CEP295: variants seen among roughly 807,000 people sequenced by gnomAD.
CEP295 encodes the protein centrosomal protein of 295 kDa.
A neutral mutation model predicts 291.6 loss-of-function variants in CEP295; 190 were observed. The observed-to-expected ratio is 0.65, with a 90% CI of 0.58 to 0.73. CEP295 has a LOEUF of 0.73. Among genes scored for constraint, CEP295 ranks in the 30% least tolerant of loss-of-function variants. The pLI is 0.00. For synonymous variants in CEP295, 993 were observed against 1,038.8 expected, an observed-to-expected ratio of 0.96 and a Z score of 0.85; for missense variants, 2,863 against 2,949.4, an observed-to-expected ratio of 0.97 and a Z score of 0.68.
intron 9 of CEP295, among the ~76,000 whole-genome samples, chr11:93,686,343 T>G (rs1951238896): frequency 6.6e-6 from 1 of 151,866 alleles, no homozygotes; most frequent in African/African-American, 2.4e-5. Flanking sequence ...ATATTTTTAC[T>G]CTTTCATGCA....
At chr11:93,667,253 C>T (rs974755444) in intron 2 of CEP295, among the ~76,000 whole-genome samples, 1 of 152,164 alleles carries the variant, frequency 6.6e-6, no homozygotes, top group African/African-American at 2.4e-5. Flanking sequence ...TGATGTACAA[C>T]AGAAATGGAG....
At chr11:93,679,023 A>G (rs1184641096) in intron 6 of CEP295, among the ~76,000 whole-genome samples, 1 of 152,004 alleles carries the variant, frequency 6.6e-6, no homozygotes, top group Non-Finnish European at 1.5e-5. Context: ...TGCCTGGCTA[A>G]TTTTTATATT....
rs1418756379 is a variant in CEP295, at chr11:93,698,466, A to T, written c.3554A>T (p.Glu1185Val). The change falls in exon 15 of 30, where the codon GAA (glutamate) becomes GTA (valine). Residue 1185 changes from glutamate to valine, a missense_variant. This residue lies in a region of CEP295 where 2,295 missense variants were observed against 2,335.7 expected (regional missense o/e 0.98). Transcript: ENST00000325212. ...VILGAKEGTQ[E>V]FVHTESELEK... is the part of the protein sequence containing the mutation. ...CTTGGTGCTAAAGAAGGAACTCAGG[A>T]ATTTGTACACACAGAAAGTGAATTG... 2 of 1,551,854 alleles carry T rather than the reference A, an allele frequency of 1.3e-6. No homozygotes were observed. The highest frequency in any genetic ancestry group is 2.7e-5 in the African/African-American group (2 of 73,048).
intron 5 of CEP295, among the ~76,000 whole-genome samples, chr11:93,673,441 G>T (rs1362415462): frequency 2.0e-5 from 3 of 152,072 alleles, no homozygotes; most frequent in Non-Finnish European, 2.9e-5. Flanking sequence ...TCTTCTGACT[G>T]GTCTAGGTAA....
At position 93,723,190 on chromosome 11, in the gene CEP295, G is replaced by A; in HGVS notation, c.6097G>A (p.Ala2033Thr). Residue 2033 changes from alanine (A) to threonine (T), a missense_variant, in exon 21 of 30, where the codon GCA becomes ACA. Physicochemically the swap from Ala to Thr is moderately conservative, Grantham distance 58. Transcript: ENST00000325212. ...SSDVHKSLLP[A>T]VDETTCGHTH... Reference sequence around the variant, plus strand: ...AGACGTTCATAAATCTCTGTTGCCTGCAGTGGATGAAACTACATGTGGTCA... The same window carrying A: ...AGACGTTCATAAATCTCTGTTGCCTACAGTGGATGAAACTACATGTGGTCA... The A allele has an allele frequency of 1.3e-6, 2 of 1,551,970 alleles. No individual in the cohort carries two copies. Among genetic ancestry groups the A allele is most frequent in the Non-Finnish European group, 1.7e-6 (2 of 1,147,016 alleles).
In CEP295 at chr11:93,697,422, C is replaced by T. The variant is rs1445533143; in HGVS notation, c.2510C>T (p.Ser837Leu). ...SQMHDRPLLP[S>L]ENITAQQGNM... is the part of the protein sequence containing the mutation. The stretch of plus-strand genomic sequence containing the variant: ...ATGCATGATAGGCCTTTGCTGCCGT[C>T]AGAGAATATCACAGCCCAGCAAGGT... Residue 837 changes from serine to leucine, a missense_variant, in exon 15 of 30, where the codon TCA becomes TTA. Around this residue, in one of 3 missense-constraint regions of CEP295, gnomAD observed 2,295 missense variants for 2,335.7 expected, o/e 0.98. Coordinates refer to ENST00000325212, the MANE Select transcript of CEP295 (RefSeq NM_033395.2). 14 of 1,552,078 alleles carry T rather than the reference C, an allele frequency of 9.0e-6. No homozygotes were observed. The highest frequency in any genetic ancestry group is 2.4e-5 in the East Asian group (1 of 40,930).
At position 93,699,495 on chromosome 11, in the gene CEP295, A is replaced by T. The variant is rs1952022314; in HGVS notation, c.4583A>T (p.Glu1528Val). 6.4e-7 allele frequency: 1 copy of T among 1,551,680 alleles called. No individual in the cohort carries two copies. Among genetic ancestry groups the T allele is most frequent in the Non-Finnish European group, 8.7e-7 (1 of 1,147,036 alleles). The change falls in exon 15 of 30, where the codon GAA becomes GTA. Residue 1528 changes from glutamate to valine, a missense_variant. Transcript: ENST00000325212. ...AIRSIQEVQEELLLQRLSELE... is the reference protein window; with the variant it reads ...AIRSIQEVQEVLLLQRLSELE... ...CGATCTATACAGGAAGTCCAAGAAG[A>T]ATTGCTTTTGCAAAGATTAAGTGAA...
At position 93,698,868 on chromosome 11, in the gene CEP295, G is replaced by C; in HGVS notation, c.3956G>C (p.Ser1319Thr). The change falls in exon 15 of 30, where the codon AGT becomes ACT. Residue 1319 changes from serine (S) to threonine (T), a missense_variant. Transcript: ENST00000325212. ...GTILEPLFTE[S>T]ESKIFSSHLQ... is the part of the protein sequence containing the mutation. Reference sequence around the variant, plus strand: ...ATCCTGGAACCTCTTTTTACAGAGAGTGAAAGTAAAATTTTTTCAAGCCAC... The same window carrying C: ...ATCCTGGAACCTCTTTTTACAGAGACTGAAAGTAAAATTTTTTCAAGCCAC... The C allele has an allele frequency of 1.0e-5, 16 of 1,551,748 alleles. No individual in the cohort carries two copies. Among genetic ancestry groups the C allele is most frequent in the African/African-American group, 4.1e-5 (3 of 73,186 alleles).
intron 25 of CEP295, chr11:93,729,089 G>A: frequency 2.0e-6 from 1 of 495,146 alleles, no homozygotes; most frequent in East Asian, 3.2e-5. Flanking sequence ...CAAGTTGGAA[G>A]TTTTACCTAA....
At chr11:93,713,154 G>A (rs1953024503) in intron 18 of CEP295, among the ~76,000 whole-genome samples, 1 of 151,976 alleles carries the variant, frequency 6.6e-6, no homozygotes, top group Non-Finnish European at 1.5e-5. Flanking sequence ...TTATTGTACT[G>A]TCTATATCTT....
intron 18 of CEP295, among the ~76,000 whole-genome samples, chr11:93,716,336 A>G (rs766221558): frequency 6.6e-6 from 1 of 152,088 alleles, no homozygotes; most frequent in African/African-American, 2.4e-5. Flanking sequence ...TCTCCGCACC[A>G]TGTGGCCACT....
At chr11:93,696,549 C>T (rs573768454) in intron 14 of CEP295, 132 bp downstream of exon 14, 1 of 1,030,350 alleles carries the variant, frequency 9.7e-7, no homozygotes, top group South Asian at 1.7e-5. Context: ...TCTTAAAGGA[C>T]AATGTGAGTG....
intron 4 of CEP295, among the ~76,000 whole-genome samples, chr11:93,669,213 A>G (rs532552129): frequency 1.3e-5 from 2 of 152,242 alleles, no homozygotes; most frequent in Admixed American, 6.5e-5. Context: ...CATGTCAACC[A>G]ATGTCTGTTT....
rs189294218 is a variant in CEP295 at position 93,704,771 on chromosome 11, C to G, written c.5596+1852C>G. On this transcript the variant is annotated intron_variant, in intron 17 of 29. Transcript: ENST00000325212. ...AATACTTCTATCATCATATTACATG[C>G]AAGTAATTTAAAAAGGGAAATAGCG... 1.1e-3 allele frequency among the ~76,000 whole-genome samples: 166 copies of G among 152,210 alleles called. 1 individual carries two copies. The highest frequency in any genetic ancestry group is 9.4e-3 in the Admixed American group (143 of 15,282).
At position 93,726,907 on chromosome 11, in the gene CEP295, G is replaced by A. The variant is rs1400881035; in HGVS notation, c.6500-69G>A. Reference sequence around the variant, plus strand: ...CTTGCAATTGGATGATAAACTATTAGAGACTGTCAGTATCCAACTTTTACA... The same window carrying A: ...CTTGCAATTGGATGATAAACTATTAAAGACTGTCAGTATCCAACTTTTACA... On this transcript the variant is annotated intron_variant, in intron 23 of 29. Transcript: ENST00000325212. 2.4e-6 allele frequency: 3 copies of A among 1,231,718 alleles called. No individual in the cohort carries two copies. The African/African-American group carries it at 4.6e-5, about 19-fold the overall frequency. 76.3% of individuals were successfully genotyped at this position (1,231,718 alleles called of 1,614,324 possible).
chr11:93,722,139 A>G, intron 20 of CEP295, 89 bp downstream of exon 20: 1 of 751,218 alleles, frequency 1.3e-6, no homozygotes, highest in Non-Finnish European at 2.3e-6. Flanking sequence ...TTGGGTTTTC[A>G]TGATACACCA....
At chr11:93,723,397 C>G (rs996455902) in intron 21 of CEP295, 108 bp downstream of exon 21, 13 of 784,324 alleles carry the variant, frequency 1.7e-5, no homozygotes, top group Admixed American at 5.9e-5. Flanking sequence ...GTTCTTATGG[C>G]CTGCTACAAC....
Position 93,727,628 on chromosome 11 carries a change from AC to A in CEP295, c.7154del (p.Pro2385GlnfsTer11). The A allele has an allele frequency of 1.3e-6, 2 of 1,536,562 alleles. No homozygotes were observed. The highest frequency in any genetic ancestry group is 1.8e-6 in the Non-Finnish European group (2 of 1,141,882). Reference protein sequence around the residue: ...SGSFSLQSSIPVWETETGHGI... With the variant: ...SGSFSLQSSIXVWETETGHGI... Reference sequence around the variant, plus strand: ...GATCATTTTCATTACAGAGCTCTATACCAGTCTGGGTAAGTGAAATCAGTGT... The same window carrying A: ...GATCATTTTCATTACAGAGCTCTATACAGTCTGGGTAAGTGAAATCAGTGT... On this transcript the variant is annotated frameshift_variant, in exon 24 of 30. Coordinates refer to ENST00000325212, the MANE Select transcript of CEP295 (RefSeq NM_033395.2). LOFTEE classifies it high-confidence loss of function.
chr11:93,727,274 C>T lies in CEP295; in HGVS notation c.6798C>T (p.Cys2266=). Residue 2266 remains cysteine, a synonymous_variant, in exon 24 of 30, where the codon TGC becomes TGT. Transcript: ENST00000325212. ...STPCGSNSSE[C]STKHQLESRK... is the part of the protein sequence containing the mutation. ...CATGTGGTTCTAACTCTAGTGAGTG[C>T]TCAACAAAACACCAACTAGAAAGCA... 1 of 1,551,636 alleles carries T rather than the reference C, an allele frequency of 6.4e-7. No individual in the cohort carries two copies. Among genetic ancestry groups the T allele is most frequent in the Non-Finnish European group, 8.7e-7 (1 of 1,146,928 alleles).
Sources: gnomAD v4.1 joint callset for allele counts (sites outside exome capture counted in the v4.1 genomes callset) on GRCh38, gnomAD v4.1.1 for gene constraint, gnomAD v4.1.1 regional missense constraint, MANE v1.5 for transcripts, NCBI Gene and HGNC (gene_info 2026-07-23, HGNC 2026-07-21) for gene names.